The following NEBL variants were observed in gnomAD, a reference collection of about 807,000 sequenced individuals.
NEBL encodes nebulette.
In NEBL, 122 loss-of-function variants were observed where a neutral mutation model predicts 140.2. The ratio of observed to expected loss-of-function variants is 0.87; its 90% CI spans 0.75 to 1.01. The LOEUF is 1.01. Ranked by LOEUF, NEBL falls within the 50% of genes least tolerant of loss-of-function variation. NEBL has a pLI of 0.00. For missense variants in NEBL, 1,365 were observed against 1,231.3 expected, an observed-to-expected ratio of 1.11 and a Z score of -1.62; for synonymous variants, 436 against 398.9, an observed-to-expected ratio of 1.09 and a Z score of -1.11.
At chr10:20,813,830 A>C (rs1838409778) in intron 23 of NEBL, 109 bp downstream of exon 23, 1 of 779,458 alleles carries the variant, frequency 1.3e-6, no homozygotes, top group African/African-American at 1.7e-5. Context: ...CAAGCCAACC[A>C]CATTTCCATG....
intron 3 of NEBL, among the ~76,000 whole-genome samples, chr10:21,191,808 T>G (rs1377476410): frequency 6.6e-6 from 1 of 152,210 alleles, no homozygotes; most frequent in Non-Finnish European, 1.5e-5. Context: ...CCCCTCCCTT[T>G]GTAAATATGA....
intron 2 of NEBL, among the ~76,000 whole-genome samples, chr10:21,042,183 C>T (rs754743614): frequency 6.6e-6 from 1 of 152,216 alleles, no homozygotes. Context: ...CCTCCAAGGA[C>T]TCTGTATTTA....
At chr10:20,887,559 C>T (rs1044050223) in intron 4 of NEBL, among the ~76,000 whole-genome samples, 4 of 151,938 alleles carry the variant, frequency 2.6e-5, no homozygotes, top group South Asian at 2.1e-4. Context: ...GCTGGCACCA[C>T]AGGTGCATGC....
At chr10:21,167,378 T>C (rs910433131) in intron 2 of NEBL, among the ~76,000 whole-genome samples, 9 of 152,224 alleles carry the variant, frequency 5.9e-5, no homozygotes, top group Non-Finnish European at 1.3e-4. Flanking sequence ...ATAGTAAATG[T>C]AGGCAGGTCA....
intron 2 of NEBL, among the ~76,000 whole-genome samples, chr10:21,157,137 A>T (rs1840364805): frequency 6.6e-6 from 1 of 152,238 alleles, no homozygotes; most frequent in Non-Finnish European, 1.5e-5. Context: ...GTGAAATCAC[A>T]AAGATATGCA....
At chr10:21,209,378 C>A (rs1257999810) in intron 3 of NEBL, among the ~76,000 whole-genome samples, 1 of 152,170 alleles carries the variant, frequency 6.6e-6, no homozygotes, top group Non-Finnish European at 1.5e-5. Context: ...ATGTCCCATG[C>A]TGGGTATCCT....
intron 3 of NEBL, among the ~76,000 whole-genome samples, chr10:20,982,729 C>A (rs72790523): frequency 0.033 from 5,024 of 152,044 alleles, 102 homozygotes; most frequent in Middle Eastern, 0.11. Flanking sequence ...CCTTCCCCCC[C>A]AAAAAATTTC....
intron 3 of NEBL, among the ~76,000 whole-genome samples, chr10:21,011,459 T>C (rs560346234): frequency 7.9e-5 from 12 of 152,318 alleles, no homozygotes; most frequent in African/African-American, 2.6e-4. Flanking sequence ...ACAGTCAGCT[T>C]AGGTCAATTC....
chr10:20,950,379 C>T (rs945204609), intron 4 of NEBL, among the ~76,000 whole-genome samples: 16 of 152,330 alleles, frequency 1.1e-4, no homozygotes, highest in African/African-American at 3.8e-4. Flanking sequence ...CCTGCCTCAA[C>T]CTATATTTCA....
intron 4 of NEBL, among the ~76,000 whole-genome samples, chr10:20,930,320 T>A (rs1040336946): frequency 1.3e-5 from 2 of 152,118 alleles, no homozygotes; most frequent in Non-Finnish European, 2.9e-5. Flanking sequence ...TGGATCTATC[T>A]CCAAAGCAAA....
At chr10:21,210,618 G>GT (rs1339442138) in intron 3 of NEBL, among the ~76,000 whole-genome samples, 1 of 152,144 alleles carries the variant, frequency 6.6e-6, no homozygotes, top group Non-Finnish European at 1.5e-5. Flanking sequence ...TGTCAAGTAT[G>GT]TTTTTTCCAT....
intron 1 of NEBL, among the ~76,000 whole-genome samples, chr10:21,281,968 A>C (rs1467550205): frequency 1.3e-5 from 2 of 152,238 alleles, no homozygotes; most frequent in Admixed American, 6.5e-5. Context: ...AAGGTACAAC[A>C]AACAAAAGAT....
At chr10:20,968,527 A>T (rs1836431320) in intron 3 of NEBL, among the ~76,000 whole-genome samples, 1 of 152,106 alleles carries the variant, frequency 6.6e-6, no homozygotes, top group Non-Finnish European at 1.5e-5. Context: ...AATTAAATAC[A>T]TACATAAATA....
At chr10:21,130,895 G>GA (rs1436855843) in intron 2 of NEBL, among the ~76,000 whole-genome samples, 3 of 151,702 alleles carry the variant, frequency 2.0e-5, no homozygotes, top group African/African-American at 7.3e-5. Context: ...AATTAGAGCA[G>GA]AAAACAATAA....
chr10:21,042,773 C>A (rs1834331181), intron 2 of NEBL, among the ~76,000 whole-genome samples: 1 of 152,192 alleles, frequency 6.6e-6, no homozygotes, highest in South Asian at 2.1e-4. Context: ...TTCCTGCAGA[C>A]CACAAGCTCT....
chr10:20,870,983 C>A (rs933590642), intron 5 of NEBL, among the ~76,000 whole-genome samples: 1 of 152,180 alleles, frequency 6.6e-6, no homozygotes, highest in Middle Eastern at 3.2e-3. Flanking sequence ...TGCGATTTGT[C>A]TTGAGCTGAA....
At chr10:21,286,122 A>T (rs780039760) in intron 1 of NEBL, among the ~76,000 whole-genome samples, 44 of 152,124 alleles carry the variant, frequency 2.9e-4, no homozygotes, top group Non-Finnish European at 4.9e-4. Context: ...CTGTGACTGG[A>T]TGAATGAATG....
At chr10:20,883,462 T>A (rs1846200948) in intron 4 of NEBL, among the ~76,000 whole-genome samples, 1 of 152,224 alleles carries the variant, frequency 6.6e-6, no homozygotes, top group Admixed American at 6.5e-5. Flanking sequence ...GGAAACCCTT[T>A]AAGAACCTCC....
At chr10:20,849,819 A>G (rs916505324) in intron 11 of NEBL, among the ~76,000 whole-genome samples, 2 of 152,246 alleles carry the variant, frequency 1.3e-5, no homozygotes, top group African/African-American at 4.8e-5. Context: ...GTGCTAAAAC[A>G]TTAACATTTA....
Sources: gnomAD v4.1 joint callset for allele counts (sites outside exome capture counted in the v4.1 genomes callset) on GRCh38, gnomAD v4.1.1 for gene constraint, MANE v1.5 for transcripts, NCBI Gene and HGNC (gene_info 2026-07-23, HGNC 2026-07-21) for gene names.